The following ZNF804B variants were observed in gnomAD, a reference collection of about 807,000 sequenced individuals.
The protein encoded by ZNF804B is zinc finger 804B.
In ZNF804B, 80 loss-of-function variants were observed where a neutral mutation model predicts 101.4. The observed-to-expected ratio is 0.79, with a 90% CI of 0.66 to 0.95. ZNF804B has a LOEUF of 0.95. ZNF804B is among the 40% of genes least tolerant of loss of function. The probability of loss-of-function intolerance (pLI) is 0.00; values close to 1 mark genes in which losing one functional copy is unlikely to be tolerated. For missense variants in ZNF804B, 1,673 were observed against 1,561.9 expected, an observed-to-expected ratio of 1.07 and a Z score of -1.20; for synonymous variants, 622 against 558.8, an observed-to-expected ratio of 1.11 and a Z score of -1.59.
chr7:88,881,411 TA>T (rs1467823789), intron 1 of ZNF804B, among the ~76,000 whole-genome samples: 1 of 152,104 alleles, frequency 6.6e-6, no homozygotes, highest in African/African-American at 2.4e-5. Context: ...TCTTCACCAA[TA>T]TTTGTTAGAA....
At position 89,152,960 on chromosome 7, in the gene ZNF804B, G is replaced by C. The variant is rs141832416; in HGVS notation, c.109-65195G>C. On this transcript the variant is annotated intron_variant, in intron 1 of 3. Transcript: ENST00000333190. Reference sequence around the variant, plus strand: ...AACATTTGGGCTGTCATCCACAGGTGTATGAAAGAAAATATTAACTAAACT... The same window carrying C: ...AACATTTGGGCTGTCATCCACAGGTCTATGAAAGAAAATATTAACTAAACT... Among the ~76,000 whole-genome samples, 253 of 152,078 alleles carry C rather than the reference G, an allele frequency of 1.7e-3. 1 individual carries two copies. In the Middle Eastern group the frequency reaches 0.027, roughly 16 times the overall value.
chr7:89,215,247 G>A (rs1478619936), intron 1 of ZNF804B, among the ~76,000 whole-genome samples: 2 of 152,072 alleles, frequency 1.3e-5, no homozygotes, highest in Non-Finnish European at 2.9e-5. Flanking sequence ...TAAGTGTTCA[G>A]AAAAAGATGG....
intron 3 of ZNF804B, among the ~76,000 whole-genome samples, chr7:89,332,433 A>G (rs546612227): frequency 7.1e-6 from 1 of 139,878 alleles, no homozygotes; most frequent in South Asian, 2.3e-4. Context: ...GCAAACAAAC[A>G]CATCCAAGTA....
At chr7:88,945,405 G>C (rs530012969) in intron 1 of ZNF804B, among the ~76,000 whole-genome samples, 7 of 152,016 alleles carry the variant, frequency 4.6e-5, no homozygotes, top group Non-Finnish European at 1.0e-4. Flanking sequence ...TTGTAGATGT[G>C]TGGCGTTATT....
intron 1 of ZNF804B, among the ~76,000 whole-genome samples, chr7:89,042,069 T>G (rs1789024415): frequency 6.6e-6 from 1 of 152,150 alleles, no homozygotes; most frequent in African/African-American, 2.4e-5. Context: ...TGTGTTATAC[T>G]TTTTCTAGTT....
At chr7:88,817,906 TTTA>T (rs1464324153) in intron 1 of ZNF804B, among the ~76,000 whole-genome samples, 1 of 152,230 alleles carries the variant, frequency 6.6e-6, no homozygotes, top group Non-Finnish European at 1.5e-5. Flanking sequence ...TGTCCTCCTC[TTTA>T]TAGATTTTTG....
At chr7:88,818,835 T>C (rs973995140) in intron 1 of ZNF804B, among the ~76,000 whole-genome samples, 4 of 152,194 alleles carry the variant, frequency 2.6e-5, no homozygotes, top group East Asian at 1.9e-4. Flanking sequence ...AAAGTACTGC[T>C]CATGAAATCA....
At chr7:88,854,522 CTTCCT>C (rs767077064) in intron 1 of ZNF804B, among the ~76,000 whole-genome samples, 180 of 56,116 alleles carry the variant, frequency 3.2e-3, no homozygotes, top group Admixed American at 4.3e-3. Flanking sequence ...CTTTCCTTTC[CTTCCT>C]TTCCTTCCTT....
At chr7:89,311,725 A>G (rs1288096120) in intron 2 of ZNF804B, among the ~76,000 whole-genome samples, 2 of 152,194 alleles carry the variant, frequency 1.3e-5, no homozygotes, top group African/African-American at 4.8e-5. Context: ...TGGAAAAGCA[A>G]TTATCCACTT....
chr7:88,852,142 A>G (rs1791457581), intron 1 of ZNF804B, among the ~76,000 whole-genome samples: 1 of 152,134 alleles, frequency 6.6e-6, no homozygotes, highest in African/African-American at 2.4e-5. Flanking sequence ...AACACAATTC[A>G]GCATCTGGTT....
intron 1 of ZNF804B, among the ~76,000 whole-genome samples, chr7:88,895,294 G>A (rs1792268930): frequency 6.6e-6 from 1 of 152,206 alleles, no homozygotes; most frequent in South Asian, 2.1e-4. Flanking sequence ...GATGGTAGAA[G>A]CGAAGCTTCT....
At chr7:89,057,453 G>A (rs1442692324) in intron 1 of ZNF804B, among the ~76,000 whole-genome samples, 1 of 152,026 alleles carries the variant, frequency 6.6e-6, no homozygotes, top group Non-Finnish European at 1.5e-5. Context: ...AGCTCAGAGT[G>A]AGGGCTACAG....
chr7:88,924,160 A>C (rs1203020456), intron 1 of ZNF804B, among the ~76,000 whole-genome samples: 1 of 152,112 alleles, frequency 6.6e-6, no homozygotes, highest in Non-Finnish European at 1.5e-5. Flanking sequence ...AGTAATTTAC[A>C]TCCCCACCAG....
At chr7:88,940,489 TG>T (rs1408146954) in intron 1 of ZNF804B, among the ~76,000 whole-genome samples, 1 of 151,826 alleles carries the variant, frequency 6.6e-6, no homozygotes, top group Non-Finnish European at 1.5e-5. Context: ...AAAAATAGAA[TG>T]GCCAGGTGTG....
At chr7:88,951,598 A>C (rs2116069123) in intron 1 of ZNF804B, among the ~76,000 whole-genome samples, 1 of 152,006 alleles carries the variant, frequency 6.6e-6, no homozygotes, top group South Asian at 2.1e-4. Flanking sequence ...TCTGTTGCAA[A>C]AATTACTTTT....
intron 1 of ZNF804B, among the ~76,000 whole-genome samples, chr7:89,072,086 T>A (rs1316791563): frequency 2.6e-5 from 4 of 152,156 alleles, no homozygotes; most frequent in Non-Finnish European, 4.4e-5. Flanking sequence ...TTTTAGCTCT[T>A]CTCTGTAGGT....
chr7:88,930,671 A>G (rs1792869786), intron 1 of ZNF804B, among the ~76,000 whole-genome samples: 1 of 151,906 alleles, frequency 6.6e-6, no homozygotes, highest in African/African-American at 2.4e-5. Context: ...AAGAAAGAGA[A>G]GGAGAGTTAA....
At chr7:89,190,887 G>A (rs1788446370) in intron 1 of ZNF804B, among the ~76,000 whole-genome samples, 1 of 152,194 alleles carries the variant, frequency 6.6e-6, no homozygotes, top group Admixed American at 6.6e-5. Flanking sequence ...AATTATGCCA[G>A]GTACCTTGCT....
At chr7:89,226,564 A>T (rs1272274380) in intron 2 of ZNF804B, among the ~76,000 whole-genome samples, 1 of 152,034 alleles carries the variant, frequency 6.6e-6, no homozygotes, top group East Asian at 1.9e-4. Context: ...ATCTTTTCAG[A>T]TAAGTCTCTA....
Sources: gnomAD v4.1 joint callset for allele counts (sites outside exome capture counted in the v4.1 genomes callset) on GRCh38, gnomAD v4.1.1 for gene constraint, MANE v1.5 for transcripts, NCBI Gene and HGNC (gene_info 2026-07-23, HGNC 2026-07-21) for gene names.